The following HACE1 variants were observed in gnomAD, a reference collection of about 807,000 sequenced individuals.
HACE1 encodes E3 ubiquitin-protein ligase HACE1.
Under a neutral mutation model 118.4 loss-of-function variants are expected in HACE1, and 73 were observed. The ratio of observed to expected loss-of-function variants is 0.62; its 90% CI spans 0.51 to 0.75. The LOEUF is 0.75. HACE1 is among the 30% of genes least tolerant of loss of function. The pLI is 0.00. For synonymous variants in HACE1, 368 were observed against 374.8 expected (o/e 0.98, Z 0.21); for missense variants, 749 against 1,102.2 (o/e 0.68, Z 4.54).
chr6:104,760,602 A>T lies in HACE1; in HGVS notation c.2212-10130T>A, dbSNP rs1040586159. Among the ~76,000 whole-genome samples the T allele has an allele frequency of 7.9e-5, 12 of 152,310 alleles. No homozygotes were observed. In the East Asian group the frequency reaches 1.3e-3, roughly 17 times the overall value. On this transcript the variant is annotated intron_variant, in intron 19 of 23. Transcript: ENST00000262903. ...CAGCCAATATCATACTGAATAGGGA[A>T]AAAAACGGGAAGCATTCTCTTTGAA...
chr6:104,745,898 G>GT (rs1380116913), intron 20 of HACE1, among the ~76,000 whole-genome samples: 1 of 152,104 alleles, frequency 6.6e-6, no homozygotes, highest in Non-Finnish European at 1.5e-5. Flanking sequence ...TACTCAGTGG[G>GT]TCCATGAGGT....
intron 19 of HACE1, among the ~76,000 whole-genome samples, chr6:104,762,204 T>C (rs1420047155): frequency 6.6e-6 from 1 of 152,180 alleles, no homozygotes; most frequent in Non-Finnish European, 1.5e-5. Context: ...ACTGGGTATA[T>C]ACCCAAAGGA....
In HACE1 at chr6:104,728,208, T is replaced by C. The variant is rs536766133; in HGVS notation, c.*1454A>G. 6.6e-6 allele frequency: 1 copy of C among 152,316 alleles called. No individual in the cohort carries two copies. The highest frequency in any genetic ancestry group is 1.9e-4 in the East Asian group (1 of 5,192). The allele number at this position is 152,316 out of a possible 1,614,324, so 9.4% of individuals were successfully genotyped here. ...TAAACAGAAACATATCTGTAAACAT[T>C]AGTATTATAAGCAGTGTAATATTAA... On this transcript the variant is annotated 3_prime_UTR_variant, in exon 24 of 24. Coordinates refer to ENST00000262903, the MANE Select transcript of HACE1 (RefSeq NM_020771.4).
chr6:104,844,839 T>C (rs1775491446), intron 4 of HACE1, among the ~76,000 whole-genome samples: 1 of 151,322 alleles, frequency 6.6e-6, no homozygotes, highest in African/African-American at 2.4e-5. Context: ...ATTTTTCGTA[T>C]TTTTAGTAGA....
At chr6:104,798,750 G>A (rs1438584995) in intron 7 of HACE1, among the ~76,000 whole-genome samples, 1 of 152,090 alleles carries the variant, frequency 6.6e-6, no homozygotes, top group Non-Finnish European at 1.5e-5. Context: ...TAAAAATAGA[G>A]GCCAAGTGAA....
chr6:104,859,740 G>C lies in HACE1; in HGVS notation c.-98C>G, dbSNP rs1777133500. The C allele has an allele frequency of 2.6e-6, 3 of 1,142,232 alleles. No homozygotes were observed. Among genetic ancestry groups the C allele is most frequent in the Non-Finnish European group, 2.5e-6 (2 of 808,014 alleles). 70.8% of individuals were successfully genotyped at this position (1,142,232 alleles called of 1,614,324 possible). On this transcript the variant is annotated 5_prime_UTR_variant, in exon 1 of 24. Transcript: ENST00000262903. ...CTCGCCTGGGCCCGTCCAGCAGGCGGAGACGCGGGCTTGCCCCGGCTAGAG... is the reference window on the plus strand; with the variant it reads ...CTCGCCTGGGCCCGTCCAGCAGGCGCAGACGCGGGCTTGCCCCGGCTAGAG...
chr6:104,833,761 C>T (rs1050930688), intron 5 of HACE1, among the ~76,000 whole-genome samples: 4 of 151,908 alleles, frequency 2.6e-5, no homozygotes, highest in South Asian at 2.1e-4. Flanking sequence ...CTGAGGCAGG[C>T]GGATCACAAG....
intron 19 of HACE1, among the ~76,000 whole-genome samples, chr6:104,750,921 T>C (rs904420644): frequency 6.6e-6 from 1 of 152,226 alleles, no homozygotes; most frequent in Admixed American, 6.5e-5. Flanking sequence ...TGTGTGTATG[T>C]ACATGTAAAT....
At chr6:104,839,697 C>G (rs893175380) in intron 5 of HACE1, among the ~76,000 whole-genome samples, 3 of 152,060 alleles carry the variant, frequency 2.0e-5, no homozygotes, top group Non-Finnish European at 4.4e-5. Context: ...TAAACATACA[C>G]ACACACATAC....
chr6:104,806,769 A>T (rs1771044866), intron 7 of HACE1, among the ~76,000 whole-genome samples: 1 of 152,146 alleles, frequency 6.6e-6, no homozygotes, highest in Non-Finnish European at 1.5e-5. Context: ...TATTTTATGA[A>T]AACTAAGAAG....
chr6:104,853,576 G>T (rs1470692554), intron 1 of HACE1, among the ~76,000 whole-genome samples: 3 of 152,016 alleles, frequency 2.0e-5, no homozygotes, highest in African/African-American at 7.3e-5. Context: ...TCAGTTAATA[G>T]GTTAAAGTTT....
intron 19 of HACE1, among the ~76,000 whole-genome samples, chr6:104,767,898 T>A (rs1376337770): frequency 6.6e-6 from 1 of 152,014 alleles, no homozygotes; most frequent in Non-Finnish European, 1.5e-5. Flanking sequence ...CTTACTCTTA[T>A]CTTCTTTTTT....
rs946488994 is a variant in HACE1, at chr6:104,850,911, C to T, written c.217G>A (p.Ala73Thr). The T allele has an allele frequency of 1.3e-6, 2 of 1,584,546 alleles. No homozygotes were observed. Among genetic ancestry groups the T allele is most frequent in the Non-Finnish European group, 1.7e-6 (2 of 1,152,982 alleles). Residue 73 changes from alanine (A) to threonine (T), a missense_variant, in exon 3 of 24, where the codon GCA becomes ACA. Transcript: ENST00000262903. ...RVKRSLLHIA[A>T]NCGSVECLVL... ...TCAAAATATCTTTAGTCTTACTTTG[C>T]TGCAATGTGAAGCAAGCTTCTTTTC...
At chr6:104,829,598 G>A (rs561925918) in intron 6 of HACE1, among the ~76,000 whole-genome samples, 6 of 152,152 alleles carry the variant, frequency 3.9e-5, no homozygotes, top group South Asian at 2.1e-4. Flanking sequence ...CATAGGTAAC[G>A]ATCCAGAAAA....
intron 19 of HACE1, among the ~76,000 whole-genome samples, chr6:104,751,251 C>T (rs752740922): frequency 2.0e-5 from 3 of 152,118 alleles, no homozygotes; most frequent in Non-Finnish European, 4.4e-5. Context: ...AGGATATATA[C>T]CAACTTCTAA....
At position 104,823,675 on chromosome 6, in the gene HACE1, T is replaced by TA. The variant is rs1048201092; in HGVS notation, c.534+9366dup. ...AAACCTACTTCCCTTAGAATTAGGA[T>TA]AAAAATGTATAAAGGAATTTTAAAG... is the stretch of plus-strand genomic sequence containing the variant. On this transcript the variant is annotated intron_variant, in intron 6 of 23. Coordinates refer to ENST00000262903, the MANE Select transcript of HACE1 (RefSeq NM_020771.4). Among the ~76,000 whole-genome samples, 11 of 151,272 alleles carry TA rather than the reference T, an allele frequency of 7.3e-5. No individual in the cohort carries two copies. In the East Asian group the frequency reaches 9.7e-4, roughly 13 times the overall value.
In HACE1 at chr6:104,744,592, T is replaced by C. The variant is rs1176473188; in HGVS notation, c.2362A>G (p.Met788Val). Residue 788 changes from methionine to valine, a missense_variant, in exon 21 of 24, where the codon ATG becomes GTG. Met to Val is a conservative substitution (Grantham distance 21). Around this residue, in one of 5 missense-constraint regions of HACE1, gnomAD observed 165 missense variants for 229.9 expected, o/e 0.72. Transcript: ENST00000262903. Reference sequence around the variant, plus strand: ...CAATCACTCACATCAATTTCTGGCATGCCAGAAAGCAGTAGCTCCTTGGGG... The same window carrying C: ...CAATCACTCACATCAATTTCTGGCACGCCAGAAAGCAGTAGCTCCTTGGGG... ...EYELELLLSGMPEIDVSDWIK... is the reference protein window; with the variant it reads ...EYELELLLSGVPEIDVSDWIK... The C allele has an allele frequency of 1.2e-5, 19 of 1,597,120 alleles. No homozygotes were observed. Among genetic ancestry groups the C allele is most frequent in the Non-Finnish European group, 1.5e-5 (18 of 1,164,830 alleles).
At chr6:104,828,880 A>G (rs1773587603) in intron 6 of HACE1, among the ~76,000 whole-genome samples, 1 of 152,022 alleles carries the variant, frequency 6.6e-6, no homozygotes, top group African/African-American at 2.4e-5. Context: ...GCATTTAGCT[A>G]TATATTCTAC....
intron 6 of HACE1, among the ~76,000 whole-genome samples, chr6:104,820,492 C>T (rs1772600935): frequency 6.6e-6 from 1 of 151,744 alleles, no homozygotes; most frequent in South Asian, 2.1e-4. Context: ...AACAAATTTA[C>T]AAAAAAACAA....
Sources: gnomAD v4.1 joint callset for allele counts (sites outside exome capture counted in the v4.1 genomes callset) on GRCh38, gnomAD v4.1.1 for gene constraint, gnomAD v4.1.1 regional missense constraint, MANE v1.5 for transcripts, NCBI Gene and HGNC (gene_info 2026-07-23, HGNC 2026-07-21) for gene names.